Variants in ATP9B observed in about 807,000 individuals in gnomAD.
The protein encoded by ATP9B is ATPase phospholipid transporting 9B.
ATP9B carries 110 observed loss-of-function variants against 146.1 expected under a neutral mutation model. The observed-to-expected ratio is 0.75, with a 90% confidence interval of 0.65 to 0.88. The LOEUF is 0.88. Ranked by LOEUF, ATP9B falls within the 40% of genes least tolerant of loss-of-function variation. The probability of loss-of-function intolerance (pLI) is 0.00; values close to 1 mark genes in which losing one functional copy is unlikely to be tolerated. For synonymous variants in ATP9B, 604 were observed against 569.7 expected, an observed-to-expected ratio of 1.06 and a Z score of -0.86; for missense variants, 1,499 against 1,496.4, an observed-to-expected ratio of 1.00 and a Z score of -0.03.
intron 14 of ATP9B, among the ~76,000 whole-genome samples, chr18:79,306,301 A>G (rs1240617957): frequency 1.3e-5 from 2 of 152,234 alleles, no homozygotes; most frequent in Non-Finnish European, 2.9e-5. Flanking sequence ...GGTGAATAAT[A>G]AAAAGTTATT....
intron 9 of ATP9B, among the ~76,000 whole-genome samples, chr18:79,201,874 A>T (rs866512229): frequency 1.5e-4 from 23 of 151,080 alleles, no homozygotes; most frequent in Admixed American, 3.3e-4. Context: ...TTTCTGATTT[A>T]AAAAAATTTT....
chr18:79,101,302 T>G (rs536865795), intron 2 of ATP9B, among the ~76,000 whole-genome samples: 1 of 152,176 alleles, frequency 6.6e-6, no homozygotes, highest in African/African-American at 2.4e-5. Flanking sequence ...TAACTGAAAT[T>G]ACTCAATATG....
intron 5 of ATP9B, among the ~76,000 whole-genome samples, chr18:79,137,777 T>C (rs2094465648): frequency 6.6e-6 from 1 of 152,182 alleles, no homozygotes; most frequent in South Asian, 2.1e-4. Context: ...TTTCTAGGCG[T>C]CCTCTCCTAA....
chr18:79,265,272 A>G (rs1317749781), intron 12 of ATP9B, among the ~76,000 whole-genome samples: 3 of 152,112 alleles, frequency 2.0e-5, no homozygotes, highest in African/African-American at 7.2e-5. Flanking sequence ...TTATGGCTGT[A>G]TAGTATTCCA....
intron 8 of ATP9B, among the ~76,000 whole-genome samples, chr18:79,188,378 T>C (rs1418156841): frequency 6.6e-6 from 1 of 152,214 alleles, no homozygotes; most frequent in Non-Finnish European, 1.5e-5. Context: ...AATTGATGGT[T>C]ACCAGTTTTA....
intron 4 of ATP9B, 105 bp downstream of exon 4, chr18:79,113,459 G>A: frequency 1.4e-6 from 1 of 707,410 alleles, no homozygotes; most frequent in East Asian, 3.0e-5. Flanking sequence ...TTAAAACATG[G>A]TGTTGTAGTG....
At chr18:79,207,965 G>C (rs1419127681) in intron 10 of ATP9B, among the ~76,000 whole-genome samples, 2 of 152,210 alleles carry the variant, frequency 1.3e-5, no homozygotes, top group Non-Finnish European at 2.9e-5. Context: ...AAGCTTATAG[G>C]CCGGGCGCGG....
At chr18:79,078,769 A>G (rs933101263) in intron 1 of ATP9B, among the ~76,000 whole-genome samples, 5 of 151,804 alleles carry the variant, frequency 3.3e-5, no homozygotes, top group Non-Finnish European at 5.9e-5. Flanking sequence ...CTATCAACCC[A>G]TCATCTACAT....
At chr18:79,232,367 A>G (rs568545132) in intron 11 of ATP9B, among the ~76,000 whole-genome samples, 10 of 152,342 alleles carry the variant, frequency 6.6e-5, no homozygotes, top group African/African-American at 1.7e-4. Context: ...TCTGTGAAAG[A>G]GCAGCAAGGT....
At chr18:79,082,315 C>A (rs1486894642) in intron 1 of ATP9B, among the ~76,000 whole-genome samples, 2 of 152,016 alleles carry the variant, frequency 1.3e-5, no homozygotes, top group African/African-American at 4.8e-5. Flanking sequence ...AACCTTTTTT[C>A]AAGGTTCTTA....
At chr18:79,356,419 A>G (rs1038990886) in intron 25 of ATP9B, among the ~76,000 whole-genome samples, 3 of 152,230 alleles carry the variant, frequency 2.0e-5, no homozygotes, top group African/African-American at 7.2e-5. Context: ...AAACTTCACC[A>G]AAAAACCTGT....
chr18:79,187,435 C>T (rs1052684870), intron 8 of ATP9B, among the ~76,000 whole-genome samples: 3 of 152,200 alleles, frequency 2.0e-5, no homozygotes, highest in African/African-American at 2.4e-5. Context: ...CATGTCCTTT[C>T]GCATGCTCTG....
intron 12 of ATP9B, among the ~76,000 whole-genome samples, chr18:79,275,160 G>C (rs545914339): frequency 6.6e-5 from 10 of 152,330 alleles, no homozygotes; most frequent in Middle Eastern, 3.4e-3. Flanking sequence ...GCAGATATCC[G>C]AGCCAAAGAA....
intron 3 of ATP9B, 138 bp downstream of exon 3, chr18:79,110,643 A>G: frequency 1.4e-6 from 1 of 739,804 alleles, no homozygotes; most frequent in Non-Finnish European, 2.0e-6. Flanking sequence ...TTGCTTTTGA[A>G]CCATCTGTGT....
intron 5 of ATP9B, among the ~76,000 whole-genome samples, chr18:79,131,903 A>G (rs894802737): frequency 1.3e-5 from 2 of 152,268 alleles, no homozygotes; most frequent in African/African-American, 4.8e-5. Flanking sequence ...GATATCCACA[A>G]TTGGTAAATT....
intron 15 of ATP9B, among the ~76,000 whole-genome samples, chr18:79,314,595 T>C (rs1415340928): frequency 6.6e-6 from 1 of 152,232 alleles, no homozygotes; most frequent in Non-Finnish European, 1.5e-5. Flanking sequence ...ATAACTGATT[T>C]CGTATTCATA....
At chr18:79,214,820 A>G (rs2148425132) in intron 11 of ATP9B, among the ~76,000 whole-genome samples, 1 of 152,238 alleles carries the variant, frequency 6.6e-6, no homozygotes, top group South Asian at 2.1e-4. Flanking sequence ...CTTTTTCTGG[A>G]AGTCTTATTA....
At chr18:79,106,421 CCTTGGGGCTCATGCCTTTT>C (rs1206803815) in intron 2 of ATP9B, among the ~76,000 whole-genome samples, 8 of 152,116 alleles carry the variant, frequency 5.3e-5, no homozygotes, top group Admixed American at 5.2e-4. Flanking sequence ...GTTTATGTAT[CCTTGGGGCTCATGCCTTTT>C]ACTGCTAGCA....
At chr18:79,345,879 G>C in intron 23 of ATP9B, 40 bp downstream of exon 23, 1 of 1,607,830 alleles carries the variant, frequency 6.2e-7, no homozygotes, top group Admixed American at 1.7e-5. Context: ...CACACAGTCA[G>C]CACACATCAA....
Sources: gnomAD v4.1 joint callset for allele counts (sites outside exome capture counted in the v4.1 genomes callset) on GRCh38, gnomAD v4.1.1 for gene constraint, MANE v1.5 for transcripts, NCBI Gene and HGNC (gene_info 2026-07-23, HGNC 2026-07-21) for gene names.